Variants in GRM1 observed in about 807,000 individuals in gnomAD.
GRM1 encodes metabotropic glutamate receptor 1.
GRM1 carries 33 observed loss-of-function variants against 90.9 expected under a neutral mutation model. That is an observed-to-expected ratio of 0.36 (90% CI 0.28 to 0.49). GRM1 has a LOEUF of 0.49. Among genes scored for constraint, GRM1 ranks in the 20% least tolerant of loss-of-function variants. The pLI is 0.99. For synonymous variants in GRM1, 700 were observed against 613.2 expected, an observed-to-expected ratio of 1.14 and a Z score of -2.09; for missense variants, 1,190 against 1,534.3, an observed-to-expected ratio of 0.78 and a Z score of 3.75.
intron 7 of GRM1, among the ~76,000 whole-genome samples, chr6:146,401,752 ATTAAG>A (rs1368673154): frequency 2.6e-5 from 4 of 152,194 alleles, no homozygotes; most frequent in African/African-American, 9.7e-5. Flanking sequence ...AACCTATATA[ATTAAG>A]TTATCTTGTG....
At chr6:146,402,280 A>G (rs1777184201) in intron 7 of GRM1, among the ~76,000 whole-genome samples, 2 of 152,132 alleles carry the variant, frequency 1.3e-5, no homozygotes, top group Non-Finnish European at 2.9e-5. Context: ...CAGAGAGGGT[A>G]TTTGAGGCTA....
chr6:146,258,378 G>GT (rs892370303), intron 2 of GRM1, among the ~76,000 whole-genome samples: 14 of 152,252 alleles, frequency 9.2e-5, no homozygotes, highest in Admixed American at 8.5e-4. Flanking sequence ...ACCCAAGAGG[G>GT]TTTTTTCCTG....
At chr6:146,062,139 T>C (rs1410681046) in intron 1 of GRM1, among the ~76,000 whole-genome samples, 1 of 152,102 alleles carries the variant, frequency 6.6e-6, no homozygotes, top group Non-Finnish European at 1.5e-5. Flanking sequence ...GTGGCACATA[T>C]ACACCAGGGA....
rs184369051 is a variant in GRM1, at chr6:146,252,920, C to A, written c.951-51691C>A. Among the ~76,000 whole-genome samples the A allele has an allele frequency of 2.3e-3, 353 of 151,308 alleles. 3 individuals carry two copies. The highest frequency in any genetic ancestry group is 8.4e-3 in the African/African-American group (345 of 41,224). ...ACTAAAAATACAAAAATTAGCTGGG[C>A]GTGGTGGCGTGTGCTTGTAGTCCCA... On this transcript the variant is annotated intron_variant, in intron 2 of 7. Transcript: ENST00000282753.
chr6:146,219,931 G>A (rs1228106497), intron 2 of GRM1, among the ~76,000 whole-genome samples: 1 of 151,918 alleles, frequency 6.6e-6, no homozygotes, highest in Admixed American at 6.6e-5. Context: ...GTGTGTGTGT[G>A]TATGCACTTG....
chr6:146,220,159 T>G (rs550866414), intron 2 of GRM1, among the ~76,000 whole-genome samples: 10 of 152,252 alleles, frequency 6.6e-5, no homozygotes, highest in African/African-American at 2.4e-4. Context: ...AATAATATCA[T>G]CTGTAGGTGA....
intron 1 of GRM1, among the ~76,000 whole-genome samples, chr6:146,152,684 A>G (rs1405941306): frequency 6.6e-6 from 1 of 152,180 alleles, no homozygotes; most frequent in Non-Finnish European, 1.5e-5. Context: ...TCCCAGTGCC[A>G]GACACATAGT....
At chr6:146,255,473 T>C (rs1454967748) in intron 2 of GRM1, among the ~76,000 whole-genome samples, 1 of 152,116 alleles carries the variant, frequency 6.6e-6, no homozygotes, top group Admixed American at 6.6e-5. Context: ...CCTTTAGTGC[T>C]TGATCTATCC....
chr6:146,282,558 CA>C lies in GRM1; in HGVS notation c.951-22042del, dbSNP rs1443048775. ...CTCCTTCCAGCCCTCCACACCCCACCAAAAAAAAAAAGGGTGGAAAATTAGT... is the reference window on the plus strand; with the variant it reads ...CTCCTTCCAGCCCTCCACACCCCACCAAAAAAAAAAGGGTGGAAAATTAGT... On this transcript the variant is annotated intron_variant, in intron 2 of 7. Coordinates refer to ENST00000282753, the MANE Select transcript of GRM1 (RefSeq NM_001278064.2). 7.3e-3 allele frequency among the ~76,000 whole-genome samples: 1,003 copies of C among 137,726 alleles called. 8 individuals are homozygous for C. The highest frequency in any genetic ancestry group is 0.019 in the African/African-American group (731 of 37,616). 90.4% of individuals were successfully genotyped at this position (137,726 alleles called of 152,430 possible). A position where few individuals can be genotyped will look rare whatever the true frequency, so the allele number is the denominator to read the frequency against.
chr6:146,340,400 C>T (rs1019637445), intron 3 of GRM1: 4 of 152,112 alleles, frequency 2.6e-5, no homozygotes, highest in African/African-American at 4.8e-5. Context: ...GTTTTTGTTT[C>T]TAGCTGTGTA....
At chr6:146,309,972 A>G (rs1783719069) in intron 3 of GRM1, among the ~76,000 whole-genome samples, 1 of 152,224 alleles carries the variant, frequency 6.6e-6, no homozygotes, top group African/African-American at 2.4e-5. Flanking sequence ...CAGTGAAGTT[A>G]TAGCCATTAT....
chr6:146,367,628 A>G (rs1407903726), intron 5 of GRM1, among the ~76,000 whole-genome samples: 2 of 151,944 alleles, frequency 1.3e-5, no homozygotes, highest in African/African-American at 2.4e-5. Flanking sequence ...ATGTTTACCG[A>G]GTGTGTAGCT....
intron 1 of GRM1, among the ~76,000 whole-genome samples, chr6:146,079,917 G>A (rs1039467197): frequency 2.0e-5 from 3 of 152,190 alleles, no homozygotes; most frequent in African/African-American, 7.2e-5. Flanking sequence ...TTTAAAAGAT[G>A]CCTGGATTTC....
At chr6:146,166,963 G>A (rs1291278051) in intron 2 of GRM1, among the ~76,000 whole-genome samples, 4 of 152,048 alleles carry the variant, frequency 2.6e-5, no homozygotes. Flanking sequence ...GTGTTTATTT[G>A]ATGGATTTTG....
At chr6:146,375,225 G>T (rs1023755286) in intron 5 of GRM1, among the ~76,000 whole-genome samples, 1 of 151,960 alleles carries the variant, frequency 6.6e-6, no homozygotes, top group African/African-American at 2.4e-5. Flanking sequence ...ATTCTGTTGT[G>T]ATCAGAGAAG....
At chr6:146,353,516 A>C (rs1785476274) in intron 4 of GRM1, among the ~76,000 whole-genome samples, 1 of 152,246 alleles carries the variant, frequency 6.6e-6, no homozygotes, top group South Asian at 2.1e-4. Flanking sequence ...GAACTCACCT[A>C]ATGTCCACAG....
chr6:146,179,901 G>A lies in GRM1; in HGVS notation c.950+20304G>A, dbSNP rs537941210. On this transcript the variant is annotated intron_variant, in intron 2 of 7. Transcript: ENST00000282753. ...AAACTCTTCTTTTCCCAGCACTTTG[G>A]GAGGCCGAGGCAGGAGGATTGCTTG... 1.1e-4 allele frequency among the ~76,000 whole-genome samples: 17 copies of A among 152,054 alleles called. No individual in the cohort carries two copies. In the South Asian group the frequency reaches 2.9e-3, roughly 26 times the overall value.
At chr6:146,168,486 A>G (rs1257166839) in intron 2 of GRM1, among the ~76,000 whole-genome samples, 1 of 152,022 alleles carries the variant, frequency 6.6e-6, no homozygotes, top group African/African-American at 2.4e-5. Flanking sequence ...TTATCTTTCA[A>G]GAAATAAAAA....
chr6:146,294,985 T>G (rs1322667674), intron 2 of GRM1, among the ~76,000 whole-genome samples: 5 of 114,754 alleles, frequency 4.4e-5, no homozygotes, highest in Admixed American at 8.5e-5. Flanking sequence ...AGAAAGTCTG[T>G]TTTTTTTTAA....
Sources: gnomAD v4.1 joint callset for allele counts (sites outside exome capture counted in the v4.1 genomes callset) on GRCh38, gnomAD v4.1.1 for gene constraint, MANE v1.5 for transcripts, NCBI Gene and HGNC (gene_info 2026-07-23, HGNC 2026-07-21) for gene names.